Variants in XNDC1N observed in about 807,000 individuals in gnomAD.
XNDC1N encodes XRCC1 N-terminal domain containing 1, N-terminal like.
At chr11:71,885,287 A>C in the XNDC1N span, among the ~76,000 whole-genome samples, 1 of 152,100 alleles carries the variant, frequency 6.6e-6, no homozygotes, top group Admixed American at 6.5e-5. Flanking sequence ...GTGATATTGA[A>C]AGTAATATCA....
chr11:71,904,544 CAAAT>C, the XNDC1N span, among the ~76,000 whole-genome samples: 1 of 152,094 alleles, frequency 6.6e-6, no homozygotes, highest in African/African-American at 2.4e-5. Context: ...TATGAGATGA[CAAAT>C]AATATCAAAG....
the XNDC1N span, among the ~76,000 whole-genome samples, chr11:71,892,594 G>C: frequency 2.6e-5 from 4 of 152,102 alleles, no homozygotes; most frequent in Non-Finnish European, 5.9e-5. Context: ...CTGTCACATG[G>C]TGTCCAATCT....
At chr11:71,921,937 G>A in the XNDC1N span, among the ~76,000 whole-genome samples, 4,916 of 152,160 alleles carry the variant, frequency 0.032, 75 homozygotes, top group East Asian at 0.079. Flanking sequence ...CAAGGCAGGC[G>A]GATCATGAGG....
At chr11:71,916,180 C>T in the XNDC1N span, 24 of 702,894 alleles carry the variant, frequency 3.4e-5, no homozygotes, top group Middle Eastern at 2.3e-4. Context: ...GGACTGATGA[C>T]GCGTGAAGGG....
chr11:71,904,023 G>A, the XNDC1N span: 15,926 of 522,440 alleles, frequency 0.03, 158 homozygotes, highest in East Asian at 0.069. Flanking sequence ...CCTCAGTGAT[G>A]TACACGGTGG....
At chr11:71,927,373 T>C in the XNDC1N span, among the ~76,000 whole-genome samples, 1 of 151,652 alleles carries the variant, frequency 6.6e-6, no homozygotes, top group African/African-American at 2.4e-5. Flanking sequence ...AAATATGAAA[T>C]TTCCCCAGGC....
chr11:71,898,927 G>T, the XNDC1N span, among the ~76,000 whole-genome samples: 9 of 152,128 alleles, frequency 5.9e-5, no homozygotes, highest in African/African-American at 2.2e-4. Flanking sequence ...TTTATATGTG[G>T]TATATTTTCC....
the XNDC1N span, among the ~76,000 whole-genome samples, chr11:71,902,521 T>G: frequency 6.6e-6 from 1 of 152,096 alleles, no homozygotes; most frequent in African/African-American, 2.4e-5. Context: ...TAAGTCCACC[T>G]AAGCTAAGGA....
the XNDC1N span, chr11:71,903,308 C>T: frequency 2.1e-6 from 3 of 1,402,924 alleles, no homozygotes; most frequent in Admixed American, 3.4e-5. Context: ...GGTCACGGTG[C>T]TGGAGAACCT....
At chr11:71,891,982 C>G in the XNDC1N span, among the ~76,000 whole-genome samples, 2 of 151,918 alleles carry the variant, frequency 1.3e-5, no homozygotes, top group African/African-American at 4.8e-5. Flanking sequence ...GGAGGTGGTA[C>G]ACCCCCAGTG....
chr11:71,874,062 C>T, the XNDC1N span, among the ~76,000 whole-genome samples: 1 of 152,120 alleles, frequency 6.6e-6, no homozygotes, highest in Admixed American at 6.5e-5. Flanking sequence ...CACCCATAAT[C>T]CCAGCACTTT....
the XNDC1N span, among the ~76,000 whole-genome samples, chr11:71,894,984 A>C: frequency 1.3e-5 from 2 of 152,196 alleles, no homozygotes; most frequent in Admixed American, 1.3e-4. Context: ...TAGGCAGGTT[A>C]TGTAGAGAGA....
At chr11:71,875,073 C>CA in the XNDC1N span, among the ~76,000 whole-genome samples, 1 of 152,032 alleles carries the variant, frequency 6.6e-6, no homozygotes, top group Non-Finnish European at 1.5e-5. Context: ...AATCTCATAA[C>CA]ATTTAAATAG....
At chr11:71,881,334 T>G in the XNDC1N span, among the ~76,000 whole-genome samples, 5 of 152,210 alleles carry the variant, frequency 3.3e-5, no homozygotes, top group Non-Finnish European at 5.9e-5. Context: ...ATAGATGTAT[T>G]AGGCCATTCT....
the XNDC1N span, among the ~76,000 whole-genome samples, chr11:71,881,857 A>G: frequency 6.6e-6 from 1 of 152,200 alleles, no homozygotes. Context: ...ATATTTAATA[A>G]GTGTAGGCCA....
the XNDC1N span, among the ~76,000 whole-genome samples, chr11:71,899,667 C>A: frequency 6.6e-6 from 1 of 152,164 alleles, no homozygotes; most frequent in Non-Finnish European, 1.5e-5. Flanking sequence ...ACCAGGGGCA[C>A]GATACACTGT....
At chr11:71,888,434 C>T in the XNDC1N span, among the ~76,000 whole-genome samples, 15 of 152,166 alleles carry the variant, frequency 9.9e-5, no homozygotes, top group African/African-American at 3.1e-4. Context: ...CTTTGGAATG[C>T]GGATGCCAAC....
the XNDC1N span, among the ~76,000 whole-genome samples, chr11:71,910,396 C>A: frequency 6.6e-6 from 1 of 152,178 alleles, no homozygotes; most frequent in African/African-American, 2.4e-5. Flanking sequence ...TGGGAAGATC[C>A]GGAGTCAGGT....
At chr11:71,894,781 T>C in the XNDC1N span, among the ~76,000 whole-genome samples, 6 of 152,206 alleles carry the variant, frequency 3.9e-5, no homozygotes, top group African/African-American at 7.2e-5. Context: ...TCCAACACCA[T>C]TGGTTGTTCA....
Sources: allele counts gnomAD v4.1 joint callset (sites outside exome capture counted in the v4.1 genomes callset), GRCh38; gene constraint gnomAD v4.1.1; transcripts MANE v1.5; gene names NCBI Gene and HGNC (gene_info 2026-07-23, HGNC 2026-07-21).